Variants in SGCD observed in about 807,000 individuals in gnomAD.
SGCD encodes delta-sarcoglycan.
A neutral mutation model predicts 36.6 loss-of-function variants in SGCD; 18 were observed. The ratio of observed to expected loss-of-function variants is 0.49; its 90% CI spans 0.34 to 0.73. The LOEUF is 0.73. SGCD is among the 30% of genes least tolerant of loss of function. The pLI is 0.01. For synonymous variants in SGCD, 133 were observed against 130.6 expected, an observed-to-expected ratio of 1.02 and a Z score of -0.12; for missense variants, 387 against 346.7, an observed-to-expected ratio of 1.12 and a Z score of -0.92.
intron 2 of SGCD, among the ~76,000 whole-genome samples, chr5:156,119,018 C>T (rs1397460994): frequency 6.6e-6 from 1 of 152,114 alleles, no homozygotes; most frequent in Non-Finnish European, 1.5e-5. Flanking sequence ...CAATATTTTG[C>T]AACTGAGGCT....
At chr5:156,318,798 G>A (rs547764203) in intron 3 of SGCD, among the ~76,000 whole-genome samples, 6 of 152,180 alleles carry the variant, frequency 3.9e-5, no homozygotes, top group South Asian at 4.2e-4. Flanking sequence ...GTTTCACCAC[G>A]TTGGCCAGGC....
At chr5:156,326,487 C>A (rs1767818719), upstream of SGCD, among the ~76,000 whole-genome samples, 1 of 152,106 alleles carries the variant, frequency 6.6e-6, no homozygotes, top group Non-Finnish European at 1.5e-5. Flanking sequence ...TTAGTTGCTG[C>A]AGCAAAAAAT....
At chr5:156,723,292 G>A (rs952432658) in intron 7 of SGCD, among the ~76,000 whole-genome samples, 5 of 152,160 alleles carry the variant, frequency 3.3e-5, no homozygotes, top group African/African-American at 1.2e-4. Context: ...TCTTTCCTCT[G>A]TCACACATTC....
chr5:155,803,502 G>A, the SGCD span, among the ~76,000 whole-genome samples: 6 of 152,176 alleles, frequency 3.9e-5, no homozygotes, highest in Non-Finnish European at 8.8e-5. Context: ...ATACTCCAGA[G>A]CCTCTTGCTG....
chr5:156,105,757 C>T (rs1761630566), intron 1 of SGCD, among the ~76,000 whole-genome samples: 1 of 152,048 alleles, frequency 6.6e-6, no homozygotes, highest in Admixed American at 6.6e-5. Context: ...AAGACACTGC[C>T]ATGTTTTCCT....
chr5:156,129,490 T>G (rs1441745753), intron 3 of SGCD, among the ~76,000 whole-genome samples: 3 of 152,256 alleles, frequency 2.0e-5, no homozygotes, highest in Admixed American at 2.0e-4. Context: ...CTTTTTCTTT[T>G]GAACTTTTAT....
At chr5:156,180,951 T>C (rs1763592210) in intron 3 of SGCD, among the ~76,000 whole-genome samples, 2 of 152,220 alleles carry the variant, frequency 1.3e-5, no homozygotes, top group African/African-American at 4.8e-5. Flanking sequence ...CTCTGCTGTT[T>C]GTTCTTTCCT....
chr5:156,008,654 G>T (rs191733842), intron 1 of SGCD, among the ~76,000 whole-genome samples: 9 of 152,270 alleles, frequency 5.9e-5, no homozygotes, highest in African/African-American at 1.7e-4. Flanking sequence ...AGGTTTACAG[G>T]CATGAACCAT....
the SGCD span, among the ~76,000 whole-genome samples, chr5:155,756,903 C>A: frequency 2.0e-5 from 3 of 152,144 alleles, no homozygotes; most frequent in Non-Finnish European, 2.9e-5. Flanking sequence ...TGGCATCAAA[C>A]TACCCCTCCT....
intron 1 of SGCD, among the ~76,000 whole-genome samples, chr5:156,076,787 A>C (rs1760796681): frequency 6.6e-6 from 1 of 152,306 alleles, no homozygotes; most frequent in East Asian, 1.9e-4. Context: ...AGGATTAGAG[A>C]AAAGAGGCTG....
intron 3 of SGCD, among the ~76,000 whole-genome samples, chr5:156,220,068 G>A (rs542485041): frequency 5.9e-5 from 9 of 152,258 alleles, no homozygotes; most frequent in East Asian, 1.9e-4. Flanking sequence ...ATATCTACAC[G>A]TAGCTACTTT....
At chr5:156,690,053 C>T (rs1438469235) in intron 7 of SGCD, among the ~76,000 whole-genome samples, 1 of 152,148 alleles carries the variant, frequency 6.6e-6, no homozygotes, top group Non-Finnish European at 1.5e-5. Context: ...TATGCCGTTG[C>T]TATTTAAACA....
chr5:155,852,327 A>T, the SGCD span, among the ~76,000 whole-genome samples: 1 of 152,150 alleles, frequency 6.6e-6, no homozygotes, highest in Admixed American at 6.6e-5. Flanking sequence ...AATAGACTTG[A>T]AACTTTGGTG....
At chr5:156,102,224 A>G (rs1761538052) in intron 1 of SGCD, among the ~76,000 whole-genome samples, 1 of 152,066 alleles carries the variant, frequency 6.6e-6, no homozygotes, top group Non-Finnish European at 1.5e-5. Flanking sequence ...TGCCTTGGTA[A>G]CCTAAAATGA....
At chr5:156,393,186 G>A (rs1029598941) in intron 3 of SGCD, among the ~76,000 whole-genome samples, 2 of 152,112 alleles carry the variant, frequency 1.3e-5, no homozygotes, top group African/African-American at 4.8e-5. Context: ...GGGACAGGAC[G>A]GACATGCTTG....
chr5:156,451,609 C>T (rs1387605872), intron 3 of SGCD, among the ~76,000 whole-genome samples: 1 of 152,086 alleles, frequency 6.6e-6, no homozygotes, highest in Non-Finnish European at 1.5e-5. Flanking sequence ...CACTGATTTG[C>T]TACCAAGCCT....
chr5:155,764,325 A>T, the SGCD span, among the ~76,000 whole-genome samples: 1 of 152,096 alleles, frequency 6.6e-6, no homozygotes, highest in East Asian at 1.9e-4. Flanking sequence ...CCAACAAAAA[A>T]CGTCCCCAAA....
At chr5:156,412,787 C>CTTT (rs35464853) in intron 3 of SGCD, among the ~76,000 whole-genome samples, 2 of 105,028 alleles carry the variant, frequency 1.9e-5, no homozygotes, top group Non-Finnish European at 3.9e-5. Context: ...AGGGTTGGTT[C>CTTT]TTTTTTTTTT....
chr5:155,754,724 G>A, the SGCD span, among the ~76,000 whole-genome samples: 1 of 152,210 alleles, frequency 6.6e-6, no homozygotes, highest in South Asian at 2.1e-4. Flanking sequence ...CAGACAAAAG[G>A]GAGGAAATGT....
Sources: gnomAD v4.1 joint callset for allele counts (sites outside exome capture counted in the v4.1 genomes callset) on GRCh38, gnomAD v4.1.1 for gene constraint, MANE v1.5 for transcripts, NCBI Gene and HGNC (gene_info 2026-07-23, HGNC 2026-07-21) for gene names.